The following SUSD4 variants were observed in gnomAD, a reference collection of about 807,000 sequenced individuals.
SUSD4 encodes sushi domain-containing protein 4.
SUSD4 carries 41 observed loss-of-function variants against 50.5 expected under a neutral mutation model. That is an observed-to-expected ratio of 0.81 (90% CI 0.63 to 1.05). SUSD4 has a LOEUF of 1.05. Among genes scored for constraint, SUSD4 ranks in the 50% least tolerant of loss-of-function variants. The pLI, the probability that SUSD4 is intolerant of heterozygous loss-of-function variation, is 0.00. For synonymous variants in SUSD4, 257 were observed against 257.3 expected (o/e 1.00, Z 0.01); for missense variants, 580 against 634.7 (o/e 0.91, Z 0.93).
At chr1:223,329,791 T>TA (rs1667076784) in intron 2 of SUSD4, among the ~76,000 whole-genome samples, 1 of 151,640 alleles carries the variant, frequency 6.6e-6, no homozygotes, top group African/African-American at 2.4e-5. Flanking sequence ...GATGAACAGA[T>TA]AGAGAGATGA....
intron 7 of SUSD4, among the ~76,000 whole-genome samples, chr1:223,224,682 G>A (rs1659380739): frequency 2.0e-5 from 3 of 151,890 alleles, no homozygotes; most frequent in South Asian, 4.2e-4. Flanking sequence ...ACGTGGGCGC[G>A]CACACAGTTC....
intron 2 of SUSD4, among the ~76,000 whole-genome samples, chr1:223,305,879 G>A (rs893302117): frequency 1.3e-5 from 2 of 152,136 alleles, no homozygotes; most frequent in African/African-American, 4.8e-5. Flanking sequence ...ATTGAACACT[G>A]CACTCATGAT....
intron 2 of SUSD4, among the ~76,000 whole-genome samples, chr1:223,310,997 TG>T (rs1188372072): frequency 6.6e-6 from 1 of 152,220 alleles, no homozygotes; most frequent in East Asian, 1.9e-4. Flanking sequence ...CACTCTGAGA[TG>T]CCCAAGACTC....
At chr1:223,289,384 A>T (rs1012702780) in intron 3 of SUSD4, 1 of 831,102 alleles carries the variant, frequency 1.2e-6, no homozygotes, top group Admixed American at 6.2e-5. Flanking sequence ...CACTTGGAAG[A>T]AGCAAGTTGA....
chr1:223,347,110 G>C (rs972962607), intron 2 of SUSD4, among the ~76,000 whole-genome samples: 23 of 151,752 alleles, frequency 1.5e-4, no homozygotes, highest in African/African-American at 5.3e-4. Context: ...TATATTTATG[G>C]GGTACATGAA....
At position 223,292,582 on chromosome 1, in the gene SUSD4, C is replaced by T. The variant is rs756898539; in HGVS notation, c.218G>A (p.Gly73Glu). The change falls in exon 3 of 9, where the codon GGG (glycine) becomes GAG (glutamate). Residue 73 changes from glycine to glutamate, a missense_variant. By Grantham distance (98) the Gly-to-Glu change is moderately conservative. Coordinates refer to ENST00000366878, the MANE Select transcript of SUSD4 (RefSeq NM_017982.4). Reference sequence around the variant, plus strand: ...GGCTACAGAGCCTTCAAAGAAAACCCCTCCGCTGGGGGTCCTGAAGCCATT... The same window carrying T: ...GGCTACAGAGCCTTCAAAGAAAACCTCTCCGCTGGGGGTCCTGAAGCCATT... ...PENGFRTPSG[G>E]VFFEGSVARF... The T allele has an allele frequency of 1.4e-5, 23 of 1,613,984 alleles. No individual in the cohort carries two copies. Among genetic ancestry groups the T allele is most frequent in the Non-Finnish European group, 1.9e-5 (23 of 1,180,016 alleles).
At chr1:223,343,027 A>G (rs1004383976) in intron 2 of SUSD4, among the ~76,000 whole-genome samples, 122 of 152,378 alleles carry the variant, frequency 8.0e-4, no homozygotes, top group African/African-American at 2.8e-3. Context: ...CAGACAAAGA[A>G]CATAAGCCCA....
At chr1:223,223,711 C>T (rs1659298951) in intron 7 of SUSD4, 80 bp from the exon 8 acceptor site, 11 of 1,472,070 alleles carry the variant, frequency 7.5e-6, no homozygotes, top group South Asian at 1.4e-5. Flanking sequence ...CTCCTGCACT[C>T]GGGGTCCTCA....
chr1:223,359,249 T>A, intron 2 of SUSD4: 1 of 415,958 alleles, frequency 2.4e-6, no homozygotes, highest in South Asian at 1.8e-5. Context: ...CTAGGACTTT[T>A]ACAATAAGGT....
chr1:223,270,924 C>T (rs1662874382), intron 3 of SUSD4, among the ~76,000 whole-genome samples: 1 of 152,152 alleles, frequency 6.6e-6, no homozygotes, highest in African/African-American at 2.4e-5. Context: ...TAGTTGAGTT[C>T]CCCAGAATCA....
At chr1:223,289,593 A>T (rs565447467) in intron 3 of SUSD4, among the ~76,000 whole-genome samples, 2 of 152,324 alleles carry the variant, frequency 1.3e-5, no homozygotes, top group East Asian at 3.9e-4. Context: ...CTCAGACAGG[A>T]CTGACCCATG....
At chr1:223,356,679 G>T (rs1320882255) in intron 2 of SUSD4, among the ~76,000 whole-genome samples, 1 of 152,134 alleles carries the variant, frequency 6.6e-6, no homozygotes, top group Non-Finnish European at 1.5e-5. Context: ...ATGACAAAGA[G>T]GAAACAAAGA....
chr1:223,252,820 G>C (rs1026138542), intron 5 of SUSD4, among the ~76,000 whole-genome samples: 9 of 151,950 alleles, frequency 5.9e-5, no homozygotes, highest in Non-Finnish European at 1.3e-4. Flanking sequence ...ATGCATTAGG[G>C]GCCGGGCGCA....
chr1:223,346,360 C>T (rs1441704649), intron 2 of SUSD4, among the ~76,000 whole-genome samples: 4 of 152,128 alleles, frequency 2.6e-5, no homozygotes, highest in Admixed American at 6.5e-5. Context: ...AATTCATTTT[C>T]CTATTTATGA....
chr1:223,271,453 C>G (rs1366086822), intron 3 of SUSD4, among the ~76,000 whole-genome samples: 2 of 152,124 alleles, frequency 1.3e-5, no homozygotes, highest in Non-Finnish European at 2.9e-5. Context: ...TTCCTGAATC[C>G]CAGTGATGAT....
intron 5 of SUSD4, among the ~76,000 whole-genome samples, chr1:223,254,013 G>A (rs541522604): frequency 1.1e-4 from 16 of 152,336 alleles, no homozygotes; most frequent in African/African-American, 3.8e-4. Flanking sequence ...ACAGGGCAAA[G>A]GAGGATTATA....
chr1:223,300,587 A>G (rs1160772071), intron 2 of SUSD4, among the ~76,000 whole-genome samples: 2 of 152,184 alleles, frequency 1.3e-5, no homozygotes, highest in African/African-American at 4.8e-5. Flanking sequence ...AGCCAAATCA[A>G]TTTAGAACTA....
At chr1:223,256,768 G>T (rs930652665) in intron 5 of SUSD4, among the ~76,000 whole-genome samples, 1 of 152,188 alleles carries the variant, frequency 6.6e-6, no homozygotes, top group Non-Finnish European at 1.5e-5. Flanking sequence ...TGAGGAAATG[G>T]ACAGAGCTAG....
intron 2 of SUSD4, among the ~76,000 whole-genome samples, chr1:223,296,050 GCTCT>G (rs71733674): frequency 0.28 from 42,224 of 151,620 alleles, 7,263 homozygotes; most frequent in Non-Finnish European, 0.4. Flanking sequence ...ATTGAGCCTG[GCTCT>G]CTCTGTGTGG....
Sources: allele counts gnomAD v4.1 joint callset (sites outside exome capture counted in the v4.1 genomes callset), GRCh38; gene constraint gnomAD v4.1.1; transcripts MANE v1.5; gene names NCBI Gene and HGNC (gene_info 2026-07-23, HGNC 2026-07-21).